ANO3: variants seen among roughly 807,000 people sequenced by gnomAD.
ANO3 encodes the protein anoctamin-3.
ANO3 carries 99 observed loss-of-function variants against 144.8 expected under a neutral mutation model. The ratio of observed to expected loss-of-function variants is 0.68; its 90% CI spans 0.58 to 0.81. ANO3 has a LOEUF of 0.81. Among genes scored for constraint, ANO3 ranks in the 30% least tolerant of loss-of-function variants. The pLI is 0.00. For synonymous variants in ANO3, 414 were observed against 392.6 expected (o/e 1.05, Z -0.64); for missense variants, 905 against 1,202.2 (o/e 0.75, Z 3.66).
At chr11:26,408,832 G>T (rs1265436030) in intron 1 of ANO3, among the ~76,000 whole-genome samples, 2 of 151,726 alleles carry the variant, frequency 1.3e-5, no homozygotes, top group East Asian at 3.9e-4. Flanking sequence ...GTAGGGACAT[G>T]GATGAAACTG....
At chr11:26,211,181 A>G (rs1286856577) in intron 1 of ANO3, among the ~76,000 whole-genome samples, 1 of 152,100 alleles carries the variant, frequency 6.6e-6, no homozygotes, top group Admixed American at 6.6e-5. Flanking sequence ...TGCAATCAAA[A>G]TAGAACTCAG....
intron 20 of ANO3, among the ~76,000 whole-genome samples, chr11:26,638,435 AG>A (rs1853037333): frequency 6.6e-6 from 1 of 152,242 alleles, no homozygotes; most frequent in Non-Finnish European, 1.5e-5. Context: ...GACATTCCAC[AG>A]GGTACACATC....
At chr11:26,283,321 AATATATATATATATATATAT>A (rs58419788) in intron 1 of ANO3, among the ~76,000 whole-genome samples, 23 of 49,134 alleles carry the variant, frequency 4.7e-4, no homozygotes, top group South Asian at 2.0e-3. Flanking sequence ...CAAATAAATA[AATATATATATATATATATAT>A]ATATATATAT....
intron 17 of ANO3, among the ~76,000 whole-genome samples, chr11:26,607,781 C>T (rs1851976617): frequency 6.6e-6 from 1 of 152,180 alleles, no homozygotes; most frequent in Admixed American, 6.6e-5. Context: ...GTTTCAGCTC[C>T]ATCAGGTCAT....
At chr11:26,386,636 T>C (rs948825053) in intron 1 of ANO3, among the ~76,000 whole-genome samples, 2 of 152,134 alleles carry the variant, frequency 1.3e-5, no homozygotes, top group Admixed American at 6.6e-5. Context: ...TTCTGTAGTA[T>C]TTGTGCCAAG....
At chr11:26,484,795 A>G (rs1860377800) in intron 4 of ANO3, among the ~76,000 whole-genome samples, 1 of 152,192 alleles carries the variant, frequency 6.6e-6, no homozygotes, top group African/African-American at 2.4e-5. Context: ...ACTGGGGCAC[A>G]TATGCCCAAG....
intron 1 of ANO3, among the ~76,000 whole-genome samples, chr11:26,291,503 T>A (rs1385185904): frequency 6.6e-6 from 1 of 152,226 alleles, no homozygotes; most frequent in African/African-American, 2.4e-5. Flanking sequence ...CTTCCTAGCC[T>A]CGATGGTCTT....
intron 1 of ANO3, among the ~76,000 whole-genome samples, chr11:26,300,278 C>T (rs900863415): frequency 1.5e-4 from 23 of 152,048 alleles, no homozygotes; most frequent in African/African-American, 4.8e-4. Context: ...CACACATACA[C>T]ACCTTACTTT....
intron 4 of ANO3, among the ~76,000 whole-genome samples, chr11:26,473,554 G>A (rs547369419): frequency 6.6e-6 from 1 of 151,766 alleles, no homozygotes; most frequent in East Asian, 2.0e-4. Flanking sequence ...AAAATTACAG[G>A]AATTCCTGGT....
intron 6 of ANO3, among the ~76,000 whole-genome samples, chr11:26,523,562 G>C (rs543324702): frequency 6.6e-6 from 1 of 152,254 alleles, no homozygotes; most frequent in African/African-American, 2.4e-5. Flanking sequence ...TCAAAGAGAG[G>C]AGAAAGTACT....
chr11:26,617,066 C>T (rs760840083), intron 17 of ANO3, among the ~76,000 whole-genome samples: 11 of 152,130 alleles, frequency 7.2e-5, no homozygotes, highest in Middle Eastern at 3.2e-3. Flanking sequence ...CCACCGTGCC[C>T]GGCCCAAAAT....
intron 1 of ANO3, among the ~76,000 whole-genome samples, chr11:26,364,180 A>G (rs1297027683): frequency 3.9e-5 from 6 of 152,144 alleles, no homozygotes; most frequent in Admixed American, 1.3e-4. Context: ...TGCCGTTCCA[A>G]ATCAAATAAG....
chr11:26,300,363 C>T (rs1158791495), intron 1 of ANO3, among the ~76,000 whole-genome samples: 1 of 152,080 alleles, frequency 6.6e-6, no homozygotes, highest in Non-Finnish European at 1.5e-5. Flanking sequence ...CTCTCATTTG[C>T]TCTCCCTCTC....
At chr11:26,535,092 G>A (rs539358286) in intron 9 of ANO3, among the ~76,000 whole-genome samples, 20 of 152,194 alleles carry the variant, frequency 1.3e-4, no homozygotes, top group Non-Finnish European at 1.8e-4. Context: ...TTATGAGTTC[G>A]TTATTTATCA....
At chr11:26,478,919 C>T (rs1301528543) in intron 4 of ANO3, among the ~76,000 whole-genome samples, 1 of 152,186 alleles carries the variant, frequency 6.6e-6, no homozygotes, top group Non-Finnish European at 1.5e-5. Flanking sequence ...GCAGAGCTCT[C>T]TGAATTTCTT....
chr11:26,472,735 A>G (rs564281210), intron 4 of ANO3, among the ~76,000 whole-genome samples: 74 of 151,928 alleles, frequency 4.9e-4, no homozygotes, highest in Non-Finnish European at 7.8e-4. Context: ...ATAAATTTTA[A>G]AACACTTGTC....
intron 17 of ANO3, among the ~76,000 whole-genome samples, chr11:26,608,231 C>T (rs1030651209): frequency 7.2e-5 from 11 of 152,138 alleles, no homozygotes; most frequent in African/African-American, 2.7e-4. Context: ...GGGTTCCCTT[C>T]AGGCCCTATT....
chr11:26,333,368 G>C (rs1364248769), intron 1 of ANO3, among the ~76,000 whole-genome samples: 1 of 150,450 alleles, frequency 6.6e-6, no homozygotes, highest in Non-Finnish European at 1.5e-5. Flanking sequence ...TGCAAGCTCT[G>C]CATCCCAGGT....
intron 1 of ANO3, among the ~76,000 whole-genome samples, chr11:26,299,871 G>A (rs1854185034): frequency 6.6e-6 from 1 of 152,150 alleles, no homozygotes; most frequent in Non-Finnish European, 1.5e-5. Flanking sequence ...TAAGTGGGTG[G>A]GAGCTGTGGA....
Sources: gnomAD v4.1 joint callset for allele counts (sites outside exome capture counted in the v4.1 genomes callset) on GRCh38, gnomAD v4.1.1 for gene constraint, MANE v1.5 for transcripts, NCBI Gene and HGNC (gene_info 2026-07-23, HGNC 2026-07-21) for gene names.